BTBD9: variants seen among roughly 807,000 people sequenced by gnomAD.
BTBD9 encodes BTB domain containing 9.
BTBD9 carries 49 observed loss-of-function variants against 64.3 expected under a neutral mutation model. The ratio of observed to expected loss-of-function variants is 0.76; its 90% CI spans 0.61 to 0.97. BTBD9 has a LOEUF of 0.97. Among genes scored for constraint, BTBD9 ranks in the 50% least tolerant of loss-of-function variants. BTBD9 has a pLI of 0.00. For missense variants in BTBD9, 598 were observed against 762.1 expected, an observed-to-expected ratio of 0.78 and a Z score of 2.53; for synonymous variants, 260 against 274.7, an observed-to-expected ratio of 0.95 and a Z score of 0.53.
intron 10 of BTBD9, among the ~76,000 whole-genome samples, chr6:38,191,708 G>A (rs1762081290): frequency 6.6e-6 from 1 of 152,202 alleles, no homozygotes; most frequent in South Asian, 2.1e-4. Flanking sequence ...CAGAACCCAG[G>A]CATCCTGGCT....
At chr6:38,586,576 C>G (rs868385640) in intron 4 of BTBD9, among the ~76,000 whole-genome samples, 1 of 152,082 alleles carries the variant, frequency 6.6e-6, no homozygotes, top group African/African-American at 2.4e-5. Context: ...ATGAGAAGTC[C>G]CCAAAGACAC....
At chr6:38,553,011 C>T (rs1343340745) in intron 6 of BTBD9, among the ~76,000 whole-genome samples, 1 of 152,126 alleles carries the variant, frequency 6.6e-6, no homozygotes, top group Non-Finnish European at 1.5e-5. Context: ...TTTTTTTCTT[C>T]AATCCACATC....
In BTBD9 at chr6:38,173,246, G is replaced by A. The variant is rs735117; in HGVS notation, c.*1739C>T. 73,482 of 152,164 alleles carry A rather than the reference G, an allele frequency of 0.48. 19,891 individuals carry two copies. The highest frequency in any genetic ancestry group is 0.62 in the Non-Finnish European group (42,222 of 67,994). 9.4% of individuals were successfully genotyped at this position (152,164 alleles called of 1,614,324 possible). On this transcript the variant is annotated 3_prime_UTR_variant, in exon 11 of 11. Coordinates refer to ENST00000481247, the MANE Select transcript of BTBD9 (RefSeq NM_001099272.2). ...ACCATGCTGGAGGGCCCCCCACTGT[G>A]AGCGGGCGCCCACCGTTCCTTACAG... is the stretch of plus-strand genomic sequence containing the variant.
chr6:38,442,272 G>A (rs928818053), intron 6 of BTBD9, among the ~76,000 whole-genome samples: 2 of 151,998 alleles, frequency 1.3e-5, no homozygotes, highest in Non-Finnish European at 2.9e-5. Flanking sequence ...CAGGTCACGA[G>A]GTCAGGAGTT....
At chr6:38,398,120 G>A (rs1766764029) in intron 6 of BTBD9, among the ~76,000 whole-genome samples, 1 of 152,082 alleles carries the variant, frequency 6.6e-6, no homozygotes. Context: ...ACATGACTTC[G>A]TTCGATTTTT....
chr6:38,330,147 T>C (rs1489140128), intron 7 of BTBD9, among the ~76,000 whole-genome samples: 3 of 151,916 alleles, frequency 2.0e-5, no homozygotes, highest in African/African-American at 7.3e-5. Context: ...CTGCACCTCC[T>C]GGGTTCAAGC....
chr6:38,176,202 T>C (rs1360344286), intron 10 of BTBD9, among the ~76,000 whole-genome samples: 3 of 152,356 alleles, frequency 2.0e-5, no homozygotes, highest in African/African-American at 7.2e-5. Flanking sequence ...TGCACGAGCA[T>C]GTGTGCACAT....
chr6:38,378,267 G>A (rs1350185833), intron 6 of BTBD9, among the ~76,000 whole-genome samples: 1 of 145,130 alleles, frequency 6.9e-6, no homozygotes, highest in African/African-American at 2.6e-5. Context: ...TTTTTGAGAT[G>A]GAGTCTTGCT....
At chr6:38,392,866 A>C (rs982977640) in intron 6 of BTBD9, among the ~76,000 whole-genome samples, 2 of 143,628 alleles carry the variant, frequency 1.4e-5, no homozygotes, top group Admixed American at 1.5e-4. Flanking sequence ...GCTCATCCTT[A>C]AGACAATGAT....
intron 8 of BTBD9, among the ~76,000 whole-genome samples, chr6:38,280,564 AAAAAGG>A (rs1761471890): frequency 6.6e-6 from 1 of 152,342 alleles, no homozygotes; most frequent in Non-Finnish European, 1.5e-5. Flanking sequence ...TTCAGGCTAT[AAAAAGG>A]AAATTTCTAG....
chr6:38,195,652 T>C (rs1252244016), intron 9 of BTBD9, among the ~76,000 whole-genome samples: 1 of 152,216 alleles, frequency 6.6e-6, no homozygotes, highest in Non-Finnish European at 1.5e-5. Flanking sequence ...GAAACGCATC[T>C]AGAATGAGGT....
chr6:38,580,262 G>T lies in BTBD9; in HGVS notation c.990C>A (p.Ser330=). The T allele has an allele frequency of 6.2e-7, 1 of 1,614,184 alleles. No individual in the cohort carries two copies. The highest frequency in any genetic ancestry group is 8.5e-7 in the Non-Finnish European group (1 of 1,180,042). ...SGIEIKLGQP[S]IINHIRILLW... ...AGAGTATCCGTATGTGATTGATAAT[G>T]GATGGCTGACCTAGCTTAATCTCGA... is the stretch of plus-strand genomic sequence containing the variant. Residue 330 remains serine, a synonymous_variant, in exon 5 of 11, where the codon TCC becomes TCA. Transcript: ENST00000481247.
intron 9 of BTBD9, among the ~76,000 whole-genome samples, chr6:38,212,068 C>T (rs1762852199): frequency 6.6e-6 from 1 of 152,198 alleles, no homozygotes; most frequent in African/African-American, 2.4e-5. Flanking sequence ...ATTATAGAAA[C>T]CATTTAACGT....
At chr6:38,545,837 A>AACACACACAC (rs1233030307) in intron 6 of BTBD9, among the ~76,000 whole-genome samples, 18 of 112,888 alleles carry the variant, frequency 1.6e-4, no homozygotes, top group African/African-American at 2.9e-4. Flanking sequence ...TAATATTTAA[A>AACACACACAC]ACACACACAC....
At chr6:38,249,181 T>C (rs1764305634) in intron 9 of BTBD9, among the ~76,000 whole-genome samples, 1 of 152,190 alleles carries the variant, frequency 6.6e-6, no homozygotes, top group African/African-American at 2.4e-5. Context: ...TTCTGAAAAT[T>C]TGTTTTCTAT....
chr6:38,520,774 T>A (rs188206480), intron 6 of BTBD9, among the ~76,000 whole-genome samples: 1 of 148,488 alleles, frequency 6.7e-6, no homozygotes. Context: ...CTCTACTAAA[T>A]ATTAAAAATA....
At chr6:38,177,358 A>G (rs1207212112) in intron 10 of BTBD9, among the ~76,000 whole-genome samples, 1 of 152,066 alleles carries the variant, frequency 6.6e-6, no homozygotes, top group African/African-American at 2.4e-5. Flanking sequence ...CCGGCCCCGC[A>G]AGCCTTCAGG....
intron 9 of BTBD9, 151 bp from the exon 10 acceptor site, chr6:38,192,748 C>G (rs1386392643): frequency 4.5e-6 from 3 of 674,104 alleles, no homozygotes; most frequent in African/African-American, 1.8e-5. Flanking sequence ...CTGCACCTAA[C>G]GTATGGCTGA....
At chr6:38,496,543 G>A (rs1428470047) in intron 6 of BTBD9, among the ~76,000 whole-genome samples, 1 of 151,848 alleles carries the variant, frequency 6.6e-6, no homozygotes, top group Admixed American at 6.6e-5. Flanking sequence ...CAACCACTCA[G>A]GAGGCTGGGG....
Sources: gnomAD v4.1 joint callset for allele counts (sites outside exome capture counted in the v4.1 genomes callset) on GRCh38, gnomAD v4.1.1 for gene constraint, MANE v1.5 for transcripts, NCBI Gene and HGNC (gene_info 2026-07-23, HGNC 2026-07-21) for gene names.